Variants in C2CD5 observed in about 807,000 individuals in gnomAD.
C2CD5 encodes the protein C2 domain-containing protein 5.
In C2CD5, 109 loss-of-function variants were observed where a neutral mutation model predicts 130.3. The observed-to-expected ratio is 0.84, with a 90% CI of 0.72 to 0.98. The LOEUF (loss-of-function observed/expected upper bound fraction) is 0.98, where lower values mean the gene tolerates loss of function less well. Among genes scored for constraint, C2CD5 ranks in the 50% least tolerant of loss-of-function variants. C2CD5 has a pLI of 0.00. For synonymous variants in C2CD5, 454 were observed against 429.2 expected, an observed-to-expected ratio of 1.06 and a Z score of -0.71; for missense variants, 996 against 1,261.8, an observed-to-expected ratio of 0.79 and a Z score of 3.19.
chr12:22,534,819 G>C (rs951841451), intron 3 of C2CD5: 3 of 154,912 alleles, frequency 1.9e-5, no homozygotes, highest in Non-Finnish European at 4.3e-5. Context: ...TTTCCATTTA[G>C]GATAAAGAAA....
At chr12:22,508,071 C>T (rs186854398) in intron 9 of C2CD5, among the ~76,000 whole-genome samples, 15 of 152,280 alleles carry the variant, frequency 9.9e-5, no homozygotes, top group Admixed American at 9.2e-4. Context: ...TCACTGGCTG[C>T]TTCAAGCATG....
At chr12:22,501,286 G>A (rs1476701699) in intron 10 of C2CD5, among the ~76,000 whole-genome samples, 3 of 152,072 alleles carry the variant, frequency 2.0e-5, no homozygotes, top group African/African-American at 7.2e-5. Flanking sequence ...CCTCAACCAT[G>A]TTTTTCTTTG....
intron 2 of C2CD5, among the ~76,000 whole-genome samples, chr12:22,541,208 C>A (rs1952346757): frequency 6.6e-6 from 1 of 152,090 alleles, no homozygotes; most frequent in East Asian, 1.9e-4. Flanking sequence ...TATCAGAAAA[C>A]CCAATACTTC....
chr12:22,533,556 G>A (rs1233267143), intron 3 of C2CD5, among the ~76,000 whole-genome samples: 2 of 152,128 alleles, frequency 1.3e-5, no homozygotes, highest in South Asian at 2.1e-4. Context: ...GCAGGGAGGT[G>A]GCTGGGCGCA....
intron 8 of C2CD5, among the ~76,000 whole-genome samples, chr12:22,515,867 A>G (rs1428534689): frequency 1.3e-5 from 2 of 152,050 alleles, no homozygotes; most frequent in African/African-American, 2.4e-5. Flanking sequence ...AATTAGCTAA[A>G]ATCAGGTGTC....
rs201182916 is a variant in C2CD5, at chr12:22,509,443, AC to A, written c.1039-2625del. Among the ~76,000 whole-genome samples the A allele has an allele frequency of 4.7e-3, 715 of 152,268 alleles. 5 individuals are homozygous for A. Among genetic ancestry groups the A allele is most frequent in the Non-Finnish European group, 6.6e-3 (447 of 68,014 alleles). On this transcript the variant is annotated intron_variant, in intron 9 of 26. Transcript: ENST00000446597. ...ACTAGAGCTGGTCAGAAAGAAACAC[AC>A]AGGGCGATGGCTGCCCATTGAGGCC...
At position 22,478,011 on chromosome 12, in the gene C2CD5, T is replaced by TCACA. The variant is rs543658384; in HGVS notation, c.1902+298_1902+301dup. On this transcript the variant is annotated intron_variant, in intron 15 of 26. Coordinates refer to ENST00000446597, the MANE Select transcript of C2CD5 (RefSeq NM_001286176.2). ...CAAAAGACCAACAAAACACACACAC[T>TCACA]CACACACACACACACACTCACACAC... The TCACA allele has an allele frequency of 2.5e-5, 7 of 283,978 alleles. No individual in the cohort carries two copies. The East Asian group carries it at 2.5e-4, about 10-fold the overall frequency. 17.6% of individuals were successfully genotyped at this position (283,978 alleles called of 1,614,324 possible).
chr12:22,453,747 T>C (rs942989259), intron 26 of C2CD5, 149 bp downstream of exon 26: 6 of 661,570 alleles, frequency 9.1e-6, no homozygotes, highest in South Asian at 5.8e-5. Context: ...TGTATGACCA[T>C]GGTTATGAAT....
At chr12:22,522,529 T>C (rs970432027) in intron 7 of C2CD5, among the ~76,000 whole-genome samples, 3 of 152,182 alleles carry the variant, frequency 2.0e-5, no homozygotes, top group Non-Finnish European at 4.4e-5. Context: ...TTCTTTAGAA[T>C]AGGGATCAGC....
rs1303552321 is a variant in C2CD5, at chr12:22,525,531, C to T, written c.445+79G>A. 5.1e-6 allele frequency: 4 copies of T among 789,316 alleles called. No individual in the cohort carries two copies. The African/African-American group carries it at 6.9e-5, about 14-fold the overall frequency. The allele number at this position is 789,316 out of a possible 1,614,324, so 48.9% of individuals were successfully genotyped here. On this transcript the variant is annotated intron_variant, in intron 5 of 26. Coordinates refer to ENST00000446597, the MANE Select transcript of C2CD5 (RefSeq NM_001286176.2). ...CCAAGTACAATAGCTTTTCTACTTG[C>T]CTTCTGAAATGTTAACTTGATTTCT... is the stretch of plus-strand genomic sequence containing the variant.
intron 9 of C2CD5, among the ~76,000 whole-genome samples, chr12:22,509,631 C>T (rs922465814): frequency 2.0e-4 from 30 of 152,204 alleles, no homozygotes; most frequent in Admixed American, 2.0e-4. Context: ...CTGCTGAAAT[C>T]TATAGCAGAT....
intron 11 of C2CD5, among the ~76,000 whole-genome samples, chr12:22,492,028 G>A (rs1220688463): frequency 1.3e-5 from 2 of 152,150 alleles, no homozygotes; most frequent in Non-Finnish European, 2.9e-5. Flanking sequence ...GCTACTATGG[G>A]AATAAACAGT....
rs757699822 is a variant in C2CD5, at chr12:22,482,699, G to A, written c.1595C>T (p.Thr532Ile). Residue 532 changes from threonine to isoleucine, a missense_variant, in exon 14 of 27, where the codon ACA becomes ATA. This residue lies in a region of C2CD5 where 590 missense variants were observed against 631.4 expected (regional missense o/e 0.93). Transcript: ENST00000446597. ...KKKAQAEANA[T>I]AISNLLPFME... is the part of the protein sequence containing the mutation. ...AAATGGCAAGAGATTACTGATAGCT[G>A]TAGCATTTGCTTCTGCCTGTGCTTT... 5 of 1,613,474 alleles carry A rather than the reference G, an allele frequency of 3.1e-6. No homozygotes were observed. Among genetic ancestry groups the A allele is most frequent in the Non-Finnish European group, 1.7e-6 (2 of 1,179,664 alleles).
chr12:22,455,298 T>G (rs1352578713), intron 25 of C2CD5, among the ~76,000 whole-genome samples: 1 of 152,214 alleles, frequency 6.6e-6, no homozygotes, highest in African/African-American at 2.4e-5. Flanking sequence ...TACAGAGGAT[T>G]AATTTTAAAA....
chr12:22,493,260 G>C lies in C2CD5; in HGVS notation c.1225C>G (p.His409Asp). The change falls in exon 11 of 27, where the codon CAT (histidine) becomes GAT (aspartate). Residue 409 changes from histidine to aspartate, a missense_variant. By Grantham distance (81) the His-to-Asp change is moderately conservative. Transcript: ENST00000446597. ...IKSHAKALGC[H>D]AVVGYSESTS... Reference sequence around the variant, plus strand: ...GATTCACTGTAGCCCACTACAGCATGACAGCCTAATGCTTTAGCATGTGAT... The same window carrying C: ...GATTCACTGTAGCCCACTACAGCATCACAGCCTAATGCTTTAGCATGTGAT... The C allele has an allele frequency of 1.9e-6, 3 of 1,610,392 alleles. No homozygotes were observed. Among genetic ancestry groups the C allele is most frequent in the Non-Finnish European group, 2.5e-6 (3 of 1,177,354 alleles).
chr12:22,495,650 G>A (rs1946915738), intron 10 of C2CD5, among the ~76,000 whole-genome samples: 1 of 151,516 alleles, frequency 6.6e-6, no homozygotes, highest in African/African-American at 2.4e-5. Context: ...TAACACATGA[G>A]CCACACAATT....
chr12:22,463,095 G>GA (rs985827374), intron 22 of C2CD5, among the ~76,000 whole-genome samples: 2 of 141,662 alleles, frequency 1.4e-5, no homozygotes, highest in East Asian at 2.2e-4. Flanking sequence ...AAGAGAGAGA[G>GA]AAAAAAAAAG....
At chr12:22,483,991 T>C (rs781103381) in intron 13 of C2CD5, among the ~76,000 whole-genome samples, 3 of 152,118 alleles carry the variant, frequency 2.0e-5, no homozygotes, top group Middle Eastern at 3.2e-3. Flanking sequence ...CATAGATCTA[T>C]ATAAGTTGAT....
intron 8 of C2CD5, among the ~76,000 whole-genome samples, chr12:22,516,197 T>C (rs915115390): frequency 6.6e-6 from 1 of 151,908 alleles, no homozygotes; most frequent in Non-Finnish European, 1.5e-5. Context: ...CAGAAAATCA[T>C]GAAATACAGG....
Sources: gnomAD v4.1 joint callset for allele counts (sites outside exome capture counted in the v4.1 genomes callset) on GRCh38, gnomAD v4.1.1 for gene constraint, gnomAD v4.1.1 regional missense constraint, MANE v1.5 for transcripts, NCBI Gene and HGNC (gene_info 2026-07-23, HGNC 2026-07-21) for gene names.